Variants in NAB1 observed in about 807,000 individuals in gnomAD.
NAB1 encodes NGFI-A-binding protein 1.
A neutral mutation model predicts 49.9 loss-of-function variants in NAB1; 25 were observed. That is an observed-to-expected ratio of 0.50 (90% CI 0.37 to 0.70). NAB1 has a LOEUF of 0.70. Ranked by LOEUF, NAB1 falls within the 30% of genes least tolerant of loss-of-function variation. The probability of loss-of-function intolerance (pLI) is 0.00; values close to 1 mark genes in which losing one functional copy is unlikely to be tolerated. For synonymous variants in NAB1, 198 were observed against 215.6 expected, an observed-to-expected ratio of 0.92 and a Z score of 0.71; for missense variants, 489 against 575.9, an observed-to-expected ratio of 0.85 and a Z score of 1.54.
chr2:190,681,509 A>G (rs1357067757), intron 6 of NAB1, among the ~76,000 whole-genome samples: 1 of 152,228 alleles, frequency 6.6e-6, no homozygotes, highest in East Asian at 1.9e-4. Flanking sequence ...ACTTATATGA[A>G]GTTCATTTTA....
At chr2:190,664,586 C>CTTTTTTTTTTTTTTTTTTTTTTTTTT (rs71027237) in intron 4 of NAB1, among the ~76,000 whole-genome samples, 1 of 61,092 alleles carries the variant, frequency 1.6e-5, no homozygotes, top group African/African-American at 6.6e-5. Flanking sequence ...TTCTTCTTTC[C>CTTTTTTTTTTTTTTTTTTTTTTTTTT]TTTTTTTTTT....
chr2:190,660,940 C>T (rs369684755), intron 4 of NAB1, among the ~76,000 whole-genome samples: 1 of 141,542 alleles, frequency 7.1e-6, no homozygotes, highest in South Asian at 2.4e-4. Flanking sequence ...TATGTCATAG[C>T]TAATTTTTTT....
Position 190,654,442 on chromosome 2 carries a change from A to G in NAB1, c.-196-1535A>G, listed in dbSNP as rs887852513. The stretch of plus-strand genomic sequence containing the variant: ...GAGAAGGGAGATGACAGCTGCAGCC[A>G]GGGGTAGTGGGAAAGACATTTTGGG... On this transcript the variant is annotated intron_variant, in intron 2 of 9. Coordinates refer to ENST00000337386, the MANE Select transcript of NAB1 (RefSeq NM_005966.4). The surrounding 1 kb of genome is among the most constrained non-coding windows in gnomAD (Gnocchi z 5.6). Among the ~76,000 whole-genome samples the G allele has an allele frequency of 1.1e-4, 17 of 152,200 alleles. No homozygotes were observed. Among genetic ancestry groups the G allele is most frequent in the African/African-American group, 3.9e-4 (16 of 41,452 alleles).
rs1006068395 is a variant in NAB1 at position 190,685,054 on chromosome 2, A to G, written c.1096-422A>G. 4.6e-5 allele frequency among the ~76,000 whole-genome samples: 7 copies of G among 152,202 alleles called. No individual in the cohort carries two copies. Among genetic ancestry groups the G allele is most frequent in the African/African-American group, 1.7e-4 (7 of 41,448 alleles). ...TTTCTCCCCCAAACATATTGTCATC[A>G]TATCAGAGTCTGTGTACTGCCAGAT... On this transcript the variant is annotated intron_variant, in intron 7 of 9. Coordinates refer to ENST00000337386, the MANE Select transcript of NAB1 (RefSeq NM_005966.4). The surrounding 1 kb of genome is among the most constrained non-coding windows in gnomAD (Gnocchi z 4.5).
chr2:190,671,769 C>CTTTTTTTTTTTTT (rs1177937369), intron 5 of NAB1, among the ~76,000 whole-genome samples: 1 of 71,722 alleles, frequency 1.4e-5, no homozygotes, highest in Non-Finnish European at 2.4e-5. Context: ...TTCACCTTTC[C>CTTTTTTTTTTTTT]TTTTTTTTTT....
In NAB1 at chr2:190,649,361, G is replaced by C. The variant is rs1693521601; in HGVS notation, c.-334+1G>C. ...CAAGACCGCTGCAGCCGCTGGCTGA[G>C]TACGTACCGGAGCGGACGGTCGCCA... On this transcript the variant is annotated splice_donor_variant, in intron 1 of 9. Coordinates refer to ENST00000337386, the MANE Select transcript of NAB1 (RefSeq NM_005966.4). LOFTEE classifies it low-confidence loss of function (5UTR_SPLICE). This position sits in a 1 kb window ranked among gnomAD's most constrained non-coding sequence, Gnocchi z 6.1. 6.6e-6 allele frequency: 1 copy of C among 152,336 alleles called. No homozygotes were observed. The highest frequency in any genetic ancestry group is 2.4e-5 in the African/African-American group (1 of 41,450). 9.4% of individuals were successfully genotyped at this position (152,336 alleles called of 1,614,324 possible). A position where few individuals can be genotyped will look rare whatever the true frequency, so the allele number is the denominator to read the frequency against.
intron 6 of NAB1, among the ~76,000 whole-genome samples, chr2:190,681,997 G>A (rs1479456749): frequency 2.6e-5 from 4 of 152,166 alleles, no homozygotes; most frequent in Non-Finnish European, 5.9e-5. Context: ...GCTAATTTCT[G>A]TGAGGAGTCC....
At position 190,652,583 on chromosome 2, in the gene NAB1, A is replaced by C. The variant is rs1170653352; in HGVS notation, c.-197+2601A>C. Among the ~76,000 whole-genome samples the C allele has an allele frequency of 1.3e-5, 2 of 152,228 alleles. No homozygotes were observed. The highest frequency in any genetic ancestry group is 6.5e-5 in the Admixed American group (1 of 15,280). On this transcript the variant is annotated intron_variant, in intron 2 of 9. Transcript: ENST00000337386. The surrounding 1 kb of genome is among the most constrained non-coding windows in gnomAD (Gnocchi z 4.2). ...ATTTTTTTCCAGCTTCATTCATTCC[A>C]TTCAGAATTTAGAAACGAATCAATA...
rs1306243894 is a variant in NAB1, at chr2:190,676,246, C to G, written c.1005+3094C>G. Among the ~76,000 whole-genome samples, 1 of 151,850 alleles carries G rather than the reference C, an allele frequency of 6.6e-6. No homozygotes were observed. The highest frequency in any genetic ancestry group is 1.5e-5 in the Non-Finnish European group (1 of 67,972). On this transcript the variant is annotated intron_variant, in intron 6 of 9. Transcript: ENST00000337386. This position sits in a 1 kb window ranked among gnomAD's most constrained non-coding sequence, Gnocchi z 4.6. ...CATTATAAAGATAGACTAGCATGGGCAAAGACAGAGGTAAGAAAATACTAA... is the reference window on the plus strand; with the variant it reads ...CATTATAAAGATAGACTAGCATGGGGAAAGACAGAGGTAAGAAAATACTAA...
In NAB1 at chr2:190,666,055, C is replaced by T. The variant is rs552472014; in HGVS notation, c.820-4271C>T. Reference sequence around the variant, plus strand: ...TTAAACTTCTTTGAGGTACTGTACTCATTAATTTTGGCCTCAATGTCCTTA... The same window carrying T: ...TTAAACTTCTTTGAGGTACTGTACTTATTAATTTTGGCCTCAATGTCCTTA... On this transcript the variant is annotated intron_variant, in intron 4 of 9. Transcript: ENST00000337386. The surrounding 1 kb of genome is among the most constrained non-coding windows in gnomAD (Gnocchi z 5.6). Among the ~76,000 whole-genome samples, 59 of 152,248 alleles carry T rather than the reference C, an allele frequency of 3.9e-4. No homozygotes were observed. The highest frequency in any genetic ancestry group is 1.1e-3 in the African/African-American group (44 of 41,550).
intron 6 of NAB1, among the ~76,000 whole-genome samples, chr2:190,683,114 T>C (rs1487885704): frequency 6.6e-6 from 1 of 152,068 alleles, no homozygotes; most frequent in Non-Finnish European, 1.5e-5. Flanking sequence ...TGTTTTTGTT[T>C]TTTTGAGACA....
rs1030766831 is a variant in NAB1, at chr2:190,685,759, A to C, written c.1258+121A>C. The C allele has an allele frequency of 3.5e-5, 28 of 790,646 alleles. No homozygotes were observed. The highest frequency in any genetic ancestry group is 4.6e-5 in the Non-Finnish European group (26 of 569,820). The allele number at this position is 790,646 out of a possible 1,614,324, so 49.0% of individuals were successfully genotyped here. ...TAGAGATTATTTTACAGGTTCTCTTATCAAAATTATTTTTTGAATTCTTCA... is the reference window on the plus strand; with the variant it reads ...TAGAGATTATTTTACAGGTTCTCTTCTCAAAATTATTTTTTGAATTCTTCA... On this transcript the variant is annotated intron_variant, in intron 8 of 9. Coordinates refer to ENST00000337386, the MANE Select transcript of NAB1 (RefSeq NM_005966.4). The surrounding 1 kb of genome is among the most constrained non-coding windows in gnomAD (Gnocchi z 4.5).
Position 190,654,264 on chromosome 2 carries a change from C to T in NAB1, c.-196-1713C>T, listed in dbSNP as rs1167704793. ...TCCTTCACAGCTGCACAGCATTTAC[C>T]ACATTGTTTAAGTCTCTGCTTCTTG... On this transcript the variant is annotated intron_variant, in intron 2 of 9. Coordinates refer to ENST00000337386, the MANE Select transcript of NAB1 (RefSeq NM_005966.4). The surrounding 1 kb of genome is among the most constrained non-coding windows in gnomAD (Gnocchi z 5.6). 6.6e-6 allele frequency among the ~76,000 whole-genome samples: 1 copy of T among 152,186 alleles called. No individual in the cohort carries two copies. Among genetic ancestry groups the T allele is most frequent in the Admixed American group, 6.5e-5 (1 of 15,278 alleles).
intron 5 of NAB1, 45 bp from the exon 6 acceptor site, chr2:190,673,056 T>TAA: frequency 6.3e-7 from 1 of 1,577,274 alleles, no homozygotes; most frequent in East Asian, 2.2e-5. Flanking sequence ...TAAAATCAGT[T>TAA]ACTTTCTCAA....
rs990322664 is a variant in NAB1, at chr2:190,676,216, G to A, written c.1005+3064G>A. Among the ~76,000 whole-genome samples, 6 of 152,042 alleles carry A rather than the reference G, an allele frequency of 3.9e-5. No homozygotes were observed. The highest frequency in any genetic ancestry group is 1.2e-4 in the African/African-American group (5 of 41,402). On this transcript the variant is annotated intron_variant, in intron 6 of 9. Transcript: ENST00000337386. The surrounding 1 kb of genome is among the most constrained non-coding windows in gnomAD (Gnocchi z 4.6). ...GGTAGCGATGTGGGGAGGGGATTGGGGTGGCATTATAAAGATAGACTAGCA... is the reference window on the plus strand; with the variant it reads ...GGTAGCGATGTGGGGAGGGGATTGGAGTGGCATTATAAAGATAGACTAGCA...
Position 190,649,510 on chromosome 2 carries a change from C to G in NAB1, c.-334+150C>G, listed in dbSNP as rs547154314. On this transcript the variant is annotated intron_variant, in intron 1 of 9. Transcript: ENST00000337386. The surrounding 1 kb of genome is among the most constrained non-coding windows in gnomAD (Gnocchi z 6.1). ...GTGTCCGGGGGAAGCGGGCTCCGCG[C>G]GGCCGCCGCCGGAAGGAGAGGGCGG... The G allele has an allele frequency of 3.9e-5, 6 of 152,032 alleles. No homozygotes were observed. Among genetic ancestry groups the G allele is most frequent in the Non-Finnish European group, 8.8e-5 (6 of 68,024 alleles). 9.4% of individuals were successfully genotyped at this position (152,032 alleles called of 1,614,324 possible).
chr2:190,660,777 T>G (rs898614023), intron 4 of NAB1, among the ~76,000 whole-genome samples: 7 of 152,188 alleles, frequency 4.6e-5, no homozygotes, highest in Non-Finnish European at 8.8e-5. Flanking sequence ...TTTAACTTCT[T>G]ATTGTACTTA....
intron 5 of NAB1, 32 bp from the exon 6 acceptor site, chr2:190,673,067 GTT>G (rs5837195): frequency 1.8e-3 from 2,654 of 1,464,812 alleles, no homozygotes; most frequent in Non-Finnish European, 2.0e-3. Flanking sequence ...ACTTTCTCAA[GTT>G]TTTTTTTTTT....
rs1695163856 is a variant in NAB1 at position 190,678,139 on chromosome 2, T to G, written c.1005+4987T>G. Reference sequence around the variant, plus strand: ...CCTTGTGTTGGGAAGATACACAGAGTAAATCAGAAAAATTAGTTTGATTTC... The same window carrying G: ...CCTTGTGTTGGGAAGATACACAGAGGAAATCAGAAAAATTAGTTTGATTTC... On this transcript the variant is annotated intron_variant, in intron 6 of 9. Transcript: ENST00000337386. The surrounding 1 kb of genome is among the most constrained non-coding windows in gnomAD (Gnocchi z 4.9). Among the ~76,000 whole-genome samples, 1 of 152,146 alleles carries G rather than the reference T, an allele frequency of 6.6e-6. No homozygotes were observed. The highest frequency in any genetic ancestry group is 1.5e-5 in the Non-Finnish European group (1 of 68,032).
Sources: gnomAD v4.1 joint callset for allele counts (sites outside exome capture counted in the v4.1 genomes callset) on GRCh38, gnomAD v4.1.1 for gene constraint, Gnocchi (gnomAD v3.1) non-coding constraint, MANE v1.5 for transcripts, NCBI Gene and HGNC (gene_info 2026-07-23, HGNC 2026-07-21) for gene names.